The following PIK3CB variants were observed in gnomAD, a reference collection of about 807,000 sequenced individuals.
PIK3CB encodes the protein phosphatidylinositol 4,5-bisphosphate 3-kinase catalytic subunit beta isoform.
In PIK3CB, 39 loss-of-function variants were observed where a neutral mutation model predicts 136.8. The observed-to-expected ratio is 0.29, with a 90% confidence interval of 0.22 to 0.37. The LOEUF (loss-of-function observed/expected upper bound fraction) is 0.37, where lower values mean the gene tolerates loss of function less well. Among genes scored for constraint, PIK3CB ranks in the 10% least tolerant of loss-of-function variants. PIK3CB has a pLI of 1.00. For missense variants in PIK3CB, 868 were observed against 1,275.4 expected (o/e 0.68, Z 4.87); for synonymous variants, 428 against 436.6 (o/e 0.98, Z 0.25).
intron 2 of PIK3CB, among the ~76,000 whole-genome samples, chr3:138,766,331 A>T (rs1431001094): frequency 6.6e-6 from 1 of 152,238 alleles, no homozygotes; most frequent in Non-Finnish European, 1.5e-5. Flanking sequence ...TGTTTCTAGT[A>T]TAAAGAAAAT....
chr3:138,785,036 CG>C (rs1318954319), intron 2 of PIK3CB, among the ~76,000 whole-genome samples: 4 of 151,510 alleles, frequency 2.6e-5, no homozygotes, highest in Non-Finnish European at 4.4e-5. Flanking sequence ...CCCTCCGCCC[CG>C]CAGCCGCCCC....
intron 2 of PIK3CB, chr3:138,778,208 C>A: frequency 2.2e-6 from 1 of 458,396 alleles, no homozygotes; most frequent in Non-Finnish European, 4.4e-6. Flanking sequence ...GCTGATGCCC[C>A]CATGTTTGTA....
chr3:138,784,989 T>A (rs2045961165), intron 2 of PIK3CB, among the ~76,000 whole-genome samples: 1 of 150,830 alleles, frequency 6.6e-6, no homozygotes, highest in African/African-American at 2.5e-5. Context: ...GAGGAGCCCC[T>A]CCACCCGGCA....
At chr3:138,772,254 T>C (rs2045808704) in intron 2 of PIK3CB, among the ~76,000 whole-genome samples, 1 of 152,016 alleles carries the variant, frequency 6.6e-6, no homozygotes, top group African/African-American at 2.4e-5. Flanking sequence ...TGCGCGGCAA[T>C]TAAGGGTGGA....
chr3:138,730,893 C>T (rs1430537299), intron 8 of PIK3CB, among the ~76,000 whole-genome samples: 1 of 152,120 alleles, frequency 6.6e-6, no homozygotes, highest in African/African-American at 2.4e-5. Flanking sequence ...GATCATGCCA[C>T]TCAACTAGTG....
chr3:138,811,430 AC>A (rs1933052132), intron 1 of PIK3CB, among the ~76,000 whole-genome samples: 2 of 148,870 alleles, frequency 1.3e-5, no homozygotes, highest in Admixed American at 6.7e-5. Flanking sequence ...CAAGAAAATT[AC>A]CTTTTTTTTT....
At chr3:138,724,641 C>A (rs1202787678) in intron 8 of PIK3CB, among the ~76,000 whole-genome samples, 3 of 152,150 alleles carry the variant, frequency 2.0e-5, no homozygotes, top group African/African-American at 7.2e-5. Flanking sequence ...CTCCATTCAT[C>A]TTGTCAGCAT....
rs559150858 is a variant in PIK3CB at position 138,774,299 on chromosome 3, C to A, written c.-16-14940G>T. 3.3e-5 allele frequency among the ~76,000 whole-genome samples: 5 copies of A among 152,284 alleles called. No individual in the cohort carries two copies. The South Asian group carries it at 1.0e-3, about 32-fold the overall frequency. ...CAAACCTCCTACCACCATCTGACTTCTTTTGTAAGAGGTGGGGGTTGTTTT... is the reference window on the plus strand; with the variant it reads ...CAAACCTCCTACCACCATCTGACTTATTTTGTAAGAGGTGGGGGTTGTTTT... On this transcript the variant is annotated intron_variant, in intron 2 of 23. Coordinates refer to ENST00000674063, the MANE Select transcript of PIK3CB (RefSeq NM_006219.3).
chr3:138,683,618 G>T, intron 18 of PIK3CB, 60 bp downstream of exon 18: 1 of 930,222 alleles, frequency 1.1e-6, no homozygotes, highest in Non-Finnish European at 1.8e-6. Flanking sequence ...TTCAGATAAA[G>T]CAAAATGGCA....
At chr3:138,766,078 A>C (rs2045729084) in intron 2 of PIK3CB, among the ~76,000 whole-genome samples, 1 of 152,236 alleles carries the variant, frequency 6.6e-6, no homozygotes, top group Admixed American at 6.5e-5. Flanking sequence ...AACTCCTGTC[A>C]TGTGAAGAAG....
chr3:138,809,849 T>A (rs1042358861), intron 1 of PIK3CB, among the ~76,000 whole-genome samples: 2 of 152,086 alleles, frequency 1.3e-5, no homozygotes, highest in African/African-American at 2.4e-5. Context: ...GATACCCCAG[T>A]AGTAAAGAGG....
rs552777698 is a variant in PIK3CB at position 138,653,113 on chromosome 3, T to G, written c.*2276A>C. 1.1e-5 allele frequency: 2 copies of G among 184,938 alleles called. No individual in the cohort carries two copies. The highest frequency in any genetic ancestry group is 2.3e-5 in the Non-Finnish European group (2 of 87,404). The allele number at this position is 184,938 out of a possible 1,614,324, so 11.5% of individuals were successfully genotyped here. ...AAAGATAATCTAAATAAATGGGTAC[T>G]CCACTTACATATTTTGGAAAACTCA... On this transcript the variant is annotated 3_prime_UTR_variant, in exon 24 of 24. Coordinates refer to ENST00000674063, the MANE Select transcript of PIK3CB (RefSeq NM_006219.3).
intron 12 of PIK3CB, among the ~76,000 whole-genome samples, chr3:138,703,854 T>C (rs1038309212): frequency 6.6e-6 from 1 of 152,152 alleles, no homozygotes; most frequent in African/African-American, 2.4e-5. Flanking sequence ...GCGTGTGTAC[T>C]TAGGCATGGT....
At position 138,773,957 on chromosome 3, in the gene PIK3CB, T is replaced by A. The variant is rs75682070; in HGVS notation, c.-16-14598A>T. ...CACGTTTTAAGGTAAAAATGATTAT[T>A]TCCCTAAATAGATAAAATTAATAGG... is the stretch of plus-strand genomic sequence containing the variant. On this transcript the variant is annotated intron_variant, in intron 2 of 23. Coordinates refer to ENST00000674063, the MANE Select transcript of PIK3CB (RefSeq NM_006219.3). Among the ~76,000 whole-genome samples the A allele has an allele frequency of 3.8e-3, 574 of 152,320 alleles. 5 individuals are homozygous for A. Among genetic ancestry groups the A allele is most frequent in the African/African-American group, 0.013 (551 of 41,578 alleles).
intron 9 of PIK3CB, 61 bp downstream of exon 9, chr3:138,714,407 C>T (rs550229086): frequency 1.6e-5 from 19 of 1,156,460 alleles, no homozygotes; most frequent in Middle Eastern, 2.7e-4. Flanking sequence ...TCAATTATTT[C>T]AAACAGTCTT....
At chr3:138,816,054 C>A (rs534876111) in intron 1 of PIK3CB, among the ~76,000 whole-genome samples, 26 of 152,338 alleles carry the variant, frequency 1.7e-4, no homozygotes, top group Middle Eastern at 3.4e-3. Flanking sequence ...GTAATCCCAG[C>A]ACTTTGGGAG....
At chr3:138,693,969 TATA>T (rs2044077582) in intron 14 of PIK3CB, among the ~76,000 whole-genome samples, 3 of 46,486 alleles carry the variant, frequency 6.5e-5, no homozygotes, top group African/African-American at 1.4e-4. Context: ...ATATATATTA[TATA>T]TATATATATA....
chr3:138,655,842 GA>G (rs1285748436), intron 23 of PIK3CB, among the ~76,000 whole-genome samples: 1 of 152,198 alleles, frequency 6.6e-6, no homozygotes, highest in Non-Finnish European at 1.5e-5. Flanking sequence ...GCAGACTGTG[GA>G]AAATCAAGGT....
chr3:138,687,157 T>G (rs1186310686), intron 16 of PIK3CB, among the ~76,000 whole-genome samples: 1 of 152,092 alleles, frequency 6.6e-6, no homozygotes, highest in East Asian at 1.9e-4. Flanking sequence ...CACCTTGTCC[T>G]TTTGTAAGTT....
Sources: allele counts gnomAD v4.1 joint callset (sites outside exome capture counted in the v4.1 genomes callset), GRCh38; gene constraint gnomAD v4.1.1; transcripts MANE v1.5; gene names NCBI Gene and HGNC (gene_info 2026-07-23, HGNC 2026-07-21).